GRM7: variants seen among roughly 807,000 people sequenced by gnomAD.
GRM7 encodes glutamate metabotropic receptor 7.
In GRM7, 35 loss-of-function variants were observed where a neutral mutation model predicts 84.5. The ratio of observed to expected loss-of-function variants is 0.41; its 90% CI spans 0.32 to 0.55. GRM7 has a LOEUF of 0.55. GRM7 is among the 20% of genes least tolerant of loss of function. The probability of loss-of-function intolerance (pLI) is 0.19; values close to 1 mark genes in which losing one functional copy is unlikely to be tolerated. For missense variants in GRM7, 1,003 were observed against 1,194.6 expected, an observed-to-expected ratio of 0.84 and a Z score of 2.36; for synonymous variants, 487 against 455.1, an observed-to-expected ratio of 1.07 and a Z score of -0.89.
intron 7 of GRM7, among the ~76,000 whole-genome samples, chr3:7,577,496 G>T (rs1695024764): frequency 6.6e-6 from 1 of 152,176 alleles, no homozygotes; most frequent in Non-Finnish European, 1.5e-5. Flanking sequence ...GAAGAGAAAA[G>T]AAAGAGCAGA....
At chr3:7,008,991 A>G (rs1256557687) in intron 1 of GRM7, among the ~76,000 whole-genome samples, 1 of 152,180 alleles carries the variant, frequency 6.6e-6, no homozygotes, top group Non-Finnish European at 1.5e-5. Context: ...TGAATATAAA[A>G]AGATCTTCTC....
intron 7 of GRM7, among the ~76,000 whole-genome samples, chr3:7,538,667 CTGAG>C (rs1559388601): frequency 2.0e-5 from 3 of 151,972 alleles, no homozygotes; most frequent in African/African-American, 7.3e-5. Context: ...TGCAAGTTGT[CTGAG>C]TATTATAGCA....
chr3:7,266,602 T>C (rs1698649509), intron 2 of GRM7, among the ~76,000 whole-genome samples: 1 of 151,766 alleles, frequency 6.6e-6, no homozygotes, highest in Non-Finnish European at 1.5e-5. Flanking sequence ...CAAAATGCCT[T>C]TTTTTTTAAC....
chr3:7,125,142 G>T (rs774599946), intron 1 of GRM7, among the ~76,000 whole-genome samples: 5 of 152,088 alleles, frequency 3.3e-5, no homozygotes, highest in African/African-American at 1.2e-4. Flanking sequence ...GTTTCGCCTT[G>T]TTGGCCAGGC....
At chr3:7,592,568 G>T (rs1346621332) in intron 8 of GRM7, among the ~76,000 whole-genome samples, 5 of 152,188 alleles carry the variant, frequency 3.3e-5, no homozygotes, top group African/African-American at 9.7e-5. Context: ...TGGACGACAT[G>T]CAGAGCCTTT....
chr3:6,950,755 G>A (rs961100798), intron 1 of GRM7, among the ~76,000 whole-genome samples: 3 of 152,214 alleles, frequency 2.0e-5, no homozygotes, highest in African/African-American at 7.2e-5. Flanking sequence ...CTGAGCAATG[G>A]CAGGCGCCCC....
At chr3:7,182,393 A>G (rs530125976) in intron 2 of GRM7, among the ~76,000 whole-genome samples, 44 of 152,266 alleles carry the variant, frequency 2.9e-4, no homozygotes, top group Non-Finnish European at 6.0e-4. Flanking sequence ...TCTTATGGAT[A>G]TTTTTAAAAC....
intron 5 of GRM7, among the ~76,000 whole-genome samples, chr3:7,437,172 T>G (rs1232808203): frequency 1.3e-5 from 2 of 152,170 alleles, no homozygotes; most frequent in African/African-American, 4.8e-5. Flanking sequence ...CTCTTCTACT[T>G]TAAGCTTTTA....
chr3:7,388,657 T>C (rs1219972275), intron 4 of GRM7, among the ~76,000 whole-genome samples: 1 of 152,096 alleles, frequency 6.6e-6, no homozygotes, highest in Non-Finnish European at 1.5e-5. Context: ...TATTCCTGGT[T>C]CAATTTTAAG....
rs1237450219 is a variant in GRM7, at chr3:7,210,800, TG to T, written c.736+64133del. Among the ~76,000 whole-genome samples, 2 of 55,982 alleles carry T rather than the reference TG, an allele frequency of 3.6e-5. 1 individual carries two copies. Among genetic ancestry groups the T allele is most frequent in the East Asian group, 6.4e-4 (2 of 3,122 alleles). 36.7% of individuals were successfully genotyped at this position (55,982 alleles called of 152,430 possible). On this transcript the variant is annotated intron_variant, in intron 2 of 9. Transcript: ENST00000357716. ...AGACAATTATGAACATGCTGTGTAT[TG>T]TTTTTTTTTTTTTTTGAGGAATTAT...
intron 8 of GRM7, among the ~76,000 whole-genome samples, chr3:7,638,493 G>A (rs531291974): frequency 1.3e-5 from 2 of 152,234 alleles, no homozygotes; most frequent in Admixed American, 1.3e-4. Flanking sequence ...GCCCACTAAG[G>A]TCTCCACATT....
chr3:7,624,387 A>G (rs1697507820), intron 8 of GRM7, among the ~76,000 whole-genome samples: 1 of 152,164 alleles, frequency 6.6e-6, no homozygotes, highest in East Asian at 1.9e-4. Context: ...CACCTCTAAC[A>G]TACTGAGAAA....
At chr3:7,270,866 C>G (rs1194004946) in intron 2 of GRM7, among the ~76,000 whole-genome samples, 8 of 152,184 alleles carry the variant, frequency 5.3e-5, no homozygotes, top group Non-Finnish European at 8.8e-5. Flanking sequence ...CAGAATCGGG[C>G]TGAATACAAT....
chr3:7,042,316 T>C (rs1194628410), intron 1 of GRM7, among the ~76,000 whole-genome samples: 1 of 152,130 alleles, frequency 6.6e-6, no homozygotes. Flanking sequence ...TGCTTGCTAG[T>C]GGGTTGAAAT....
At chr3:6,902,711 A>T (rs1696432061) in intron 1 of GRM7, among the ~76,000 whole-genome samples, 1 of 152,124 alleles carries the variant, frequency 6.6e-6, no homozygotes, top group Non-Finnish European at 1.5e-5. Flanking sequence ...CTATTAAGAT[A>T]ATTTGGAGTG....
intron 2 of GRM7, among the ~76,000 whole-genome samples, chr3:7,160,632 G>T (rs766473197): frequency 6.6e-6 from 1 of 152,098 alleles, no homozygotes; most frequent in Non-Finnish European, 1.5e-5. Context: ...GACTGAGAAA[G>T]GAGTTAGATT....
chr3:6,970,611 G>A (rs1693712569), intron 1 of GRM7, among the ~76,000 whole-genome samples: 1 of 152,038 alleles, frequency 6.6e-6, no homozygotes, highest in Non-Finnish European at 1.5e-5. Flanking sequence ...TTATCTCTTA[G>A]GCTGGTGTGT....
chr3:7,580,540 A>G (rs1387807537), intron 8 of GRM7, among the ~76,000 whole-genome samples: 1 of 152,176 alleles, frequency 6.6e-6, no homozygotes, highest in African/African-American at 2.4e-5. Context: ...CATACAAAGG[A>G]TTAATGGCAT....
Position 7,543,554 on chromosome 3 carries a change from G to C in GRM7, c.1516-34868G>C, listed in dbSNP as rs1693000013. Among the ~76,000 whole-genome samples the C allele has an allele frequency of 2.6e-5, 4 of 152,212 alleles. No individual in the cohort carries two copies. The South Asian group carries it at 6.2e-4, about 24-fold the overall frequency. ...TGCTTTGGCAGCAATTCTGCCACCA[G>C]GCTGCAGGCCTGGAAACCTGCCCCT... On this transcript the variant is annotated intron_variant, in intron 7 of 9. Transcript: ENST00000357716.
Sources: gnomAD v4.1 joint callset for allele counts (sites outside exome capture counted in the v4.1 genomes callset) on GRCh38, gnomAD v4.1.1 for gene constraint, MANE v1.5 for transcripts, NCBI Gene and HGNC (gene_info 2026-07-23, HGNC 2026-07-21) for gene names.